The following PHACTR3 variants were observed in gnomAD, a reference collection of about 807,000 sequenced individuals.
PHACTR3 encodes protein phosphatase 1, regulatory subunit 123.
Under a neutral mutation model 66.8 loss-of-function variants are expected in PHACTR3, and 16 were observed. That is an observed-to-expected ratio of 0.24 (90% CI 0.16 to 0.36). The LOEUF (loss-of-function observed/expected upper bound fraction) is 0.36. PHACTR3 is among the 10% of genes least tolerant of loss of function. The pLI, the probability that PHACTR3 is intolerant of heterozygous loss-of-function variation, is 1.00. For synonymous variants in PHACTR3, 323 were observed against 292.1 expected, an observed-to-expected ratio of 1.11 and a Z score of -1.08; for missense variants, 647 against 719.9, an observed-to-expected ratio of 0.90 and a Z score of 1.16.
At position 59,652,371 on chromosome 20, in the gene PHACTR3, C is replaced by T. The variant is rs2035484840; in HGVS notation, c.118+47239C>T. 5.9e-5 allele frequency among the ~76,000 whole-genome samples: 9 copies of T among 152,148 alleles called. No individual in the cohort carries two copies. The South Asian group carries it at 1.9e-3, about 32-fold the overall frequency. On this transcript the variant is annotated intron_variant, in intron 1 of 12. Coordinates refer to ENST00000371015, the MANE Select transcript of PHACTR3 (RefSeq NM_080672.5). ...CTAGCCTGGGAAACATAACAAGACCCCATCTCTGAAAAACAAAAGTAAAAA... is the reference window on the plus strand; with the variant it reads ...CTAGCCTGGGAAACATAACAAGACCTCATCTCTGAAAAACAAAAGTAAAAA...
intron 2 of PHACTR3, among the ~76,000 whole-genome samples, chr20:59,745,489 G>A (rs578171782): frequency 1.3e-5 from 2 of 152,320 alleles, no homozygotes; most frequent in Admixed American, 6.5e-5. Flanking sequence ...ACCGCCATTC[G>A]GGCATCTGGA....
chr20:59,766,494 T>C (rs1418826012), intron 4 of PHACTR3, among the ~76,000 whole-genome samples: 1 of 151,882 alleles, frequency 6.6e-6, no homozygotes. Flanking sequence ...GAAGGATTGA[T>C]AGGTTGAGGG....
intron 1 of PHACTR3, among the ~76,000 whole-genome samples, chr20:59,606,290 G>A (rs1027574126): frequency 1.8e-5 from 2 of 113,784 alleles, no homozygotes; most frequent in Non-Finnish European, 3.8e-5. Flanking sequence ...CAGCTGTGTG[G>A]GCACTGGATC....
chr20:59,792,772 T>G (rs888178613), intron 7 of PHACTR3, among the ~76,000 whole-genome samples: 1 of 152,260 alleles, frequency 6.6e-6, no homozygotes, highest in Non-Finnish European at 1.5e-5. Context: ...TTTTTATGTT[T>G]GAGAGTTTCA....
In PHACTR3 at chr20:59,774,474, C is replaced by T. The variant is rs201866319; in HGVS notation, c.1158C>T (p.Asn386=). 1.1e-4 allele frequency: 178 copies of T among 1,613,666 alleles called. No homozygotes were observed. The highest frequency in any genetic ancestry group is 4.8e-4 in the African/African-American group (36 of 74,972). The change falls in exon 7 of 13, where the codon AAC becomes AAT. Residue 386 remains asparagine (N), a synonymous_variant. Coordinates refer to ENST00000371015, the MANE Select transcript of PHACTR3 (RefSeq NM_080672.5). The part of the protein sequence containing the change: ...LLLYQDEEAL[N]DSIISGTLPR... ...TGTATCAGGACGAGGAGGCGCTGAA[C>T]GACTCCATTATTTCTGGTGAGGAAA... is the stretch of plus-strand genomic sequence containing the variant.
At chr20:59,722,525 G>T (rs1396678129) in intron 1 of PHACTR3, among the ~76,000 whole-genome samples, 2 of 152,182 alleles carry the variant, frequency 1.3e-5, no homozygotes, top group Admixed American at 6.5e-5. Flanking sequence ...CTCCTCAGGG[G>T]GTTTGGATTG....
chr20:59,706,134 C>T (rs1035401116), intron 1 of PHACTR3, among the ~76,000 whole-genome samples: 11 of 152,190 alleles, frequency 7.2e-5, no homozygotes, highest in African/African-American at 2.2e-4. Flanking sequence ...AAAACAGTGA[C>T]ATTAAGACCC....
At chr20:59,633,672 A>T (rs1412822826) in intron 1 of PHACTR3, among the ~76,000 whole-genome samples, 3 of 152,154 alleles carry the variant, frequency 2.0e-5, no homozygotes, top group Non-Finnish European at 4.4e-5. Context: ...ACTTGCCTGG[A>T]TACTTTAATA....
intron 8 of PHACTR3, among the ~76,000 whole-genome samples, chr20:59,813,395 A>G (rs1467172583): frequency 6.6e-6 from 1 of 152,182 alleles, no homozygotes; most frequent in Non-Finnish European, 1.5e-5. Flanking sequence ...AGCATTTGAA[A>G]TTACCTACAG....
In PHACTR3 at chr20:59,820,251, C is replaced by A. The variant is rs946632302; in HGVS notation, c.1328+14057C>A. 6.6e-6 allele frequency among the ~76,000 whole-genome samples: 1 copy of A among 152,198 alleles called. No homozygotes were observed. Among genetic ancestry groups the A allele is most frequent in the African/African-American group, 2.4e-5 (1 of 41,520 alleles). ...CTTTCAAGGATTTGTTGCAAAAATG[C>A]GAAGGAGCTCACGAGGCAGTGCTGT... On this transcript the variant is annotated intron_variant, in intron 8 of 12. Coordinates refer to ENST00000371015, the MANE Select transcript of PHACTR3 (RefSeq NM_080672.5). This position sits in a 1 kb window ranked among gnomAD's most constrained non-coding sequence, Gnocchi z 4.6.
At chr20:59,732,685 C>T (rs1208908137) in intron 1 of PHACTR3, among the ~76,000 whole-genome samples, 1 of 152,072 alleles carries the variant, frequency 6.6e-6, no homozygotes, top group Non-Finnish European at 1.5e-5. Context: ...CTTCCACTGT[C>T]GGGAGTCAGT....
chr20:59,597,136 A>T (rs531976195), intron 1 of PHACTR3, among the ~76,000 whole-genome samples: 1 of 152,384 alleles, frequency 6.6e-6, no homozygotes, highest in Admixed American at 6.5e-5. Context: ...TATTATGGAA[A>T]GAATGTAGGA....
chr20:59,764,978 C>T (rs1475482523), intron 4 of PHACTR3, among the ~76,000 whole-genome samples: 2 of 152,146 alleles, frequency 1.3e-5, no homozygotes, highest in Non-Finnish European at 2.9e-5. Flanking sequence ...TGTGGTGTCC[C>T]AAGAATGAGG....
chr20:59,838,941 C>T (rs2059011865), intron 9 of PHACTR3, among the ~76,000 whole-genome samples: 1 of 151,900 alleles, frequency 6.6e-6, no homozygotes, highest in Non-Finnish European at 1.5e-5. Flanking sequence ...CAACAGAGCG[C>T]CTGGCACAAA....
chr20:59,584,172 T>C (rs1016012490), intron 1 of PHACTR3, among the ~76,000 whole-genome samples: 3 of 152,194 alleles, frequency 2.0e-5, no homozygotes, highest in African/African-American at 7.2e-5. Flanking sequence ...GGTGGTGCCC[T>C]TAAGGACAAG....
intron 7 of PHACTR3, among the ~76,000 whole-genome samples, chr20:59,778,164 G>A (rs563571402): frequency 4.6e-5 from 7 of 152,238 alleles, no homozygotes; most frequent in Admixed American, 2.6e-4. Flanking sequence ...GCCTCCAGGC[G>A]GTCTCTCTGT....
intron 1 of PHACTR3, among the ~76,000 whole-genome samples, chr20:59,638,811 C>CAT (rs2034993034): frequency 7.1e-6 from 1 of 140,764 alleles, no homozygotes; most frequent in Non-Finnish European, 1.5e-5. Context: ...GATGGATGGA[C>CAT]GAATGGATGG....
At chr20:59,707,451 C>G (rs375116516) in intron 1 of PHACTR3, among the ~76,000 whole-genome samples, 4 of 144,366 alleles carry the variant, frequency 2.8e-5, no homozygotes, top group African/African-American at 1.0e-4. Flanking sequence ...CTCTCTTGCT[C>G]CCACTCTTTT....
chr20:59,601,220 C>T (rs146632154), upstream of PHACTR3, among the ~76,000 whole-genome samples: 5,894 of 152,276 alleles, frequency 0.039, 157 homozygotes, highest in Middle Eastern at 0.068. Context: ...TCATGTGGCA[C>T]GTGGCCTTCT....
Sources: allele counts gnomAD v4.1 joint callset (sites outside exome capture counted in the v4.1 genomes callset), GRCh38; gene constraint gnomAD v4.1.1; non-coding constraint Gnocchi (gnomAD v3.1); transcripts MANE v1.5; gene names NCBI Gene and HGNC (gene_info 2026-07-23, HGNC 2026-07-21).